ZNF280D: variants seen among roughly 807,000 people sequenced by gnomAD.
ZNF280D encodes suppressor of hairy wing homolog 4.
Under a neutral mutation model 94.7 loss-of-function variants are expected in ZNF280D, and 39 were observed. The ratio of observed to expected loss-of-function variants is 0.41; its 90% confidence interval spans 0.32 to 0.54. The LOEUF (loss-of-function observed/expected upper bound fraction) is 0.54. Among genes scored for constraint, ZNF280D ranks in the 20% least tolerant of loss-of-function variants. The pLI is 0.22. For missense variants in ZNF280D, 1,090 were observed against 1,149.3 expected, an observed-to-expected ratio of 0.95 and a Z score of 0.75; for synonymous variants, 398 against 377.6, an observed-to-expected ratio of 1.05 and a Z score of -0.63.
chr15:56,669,892 A>ATATATATATTTTATATATATAT (rs1566959775), intron 13 of ZNF280D, among the ~76,000 whole-genome samples: 1 of 9,686 alleles, frequency 1.0e-4, no homozygotes, highest in African/African-American at 3.6e-4. Flanking sequence ...TATATATTAT[A>ATATATATATTTTATATATATAT]TATATATATA....
intron 1 of ZNF280D, among the ~76,000 whole-genome samples, chr15:56,719,470 C>A (rs2058229089): frequency 6.6e-6 from 1 of 152,134 alleles, no homozygotes; most frequent in Non-Finnish European, 1.5e-5. Flanking sequence ...CAGCCTGAGG[C>A]CCTCACCAGA....
intron 3 of ZNF280D, among the ~76,000 whole-genome samples, chr15:56,704,790 G>A (rs1020891784): frequency 2.0e-5 from 3 of 152,060 alleles, no homozygotes; most frequent in African/African-American, 4.8e-5. Context: ...AGACCAGCCT[G>A]GCCAACATGG....
In ZNF280D at chr15:56,705,349, T is replaced by C. The variant is rs191635276; in HGVS notation, c.29-1082A>G. Among the ~76,000 whole-genome samples the C allele has an allele frequency of 7.2e-5, 11 of 152,322 alleles. No individual in the cohort carries two copies. In the East Asian group the frequency reaches 1.7e-3, roughly 24 times the overall value. Reference sequence around the variant, plus strand: ...CTTATTGTGTGTCTCAGAGCGATTATTTATACCACGTCTTCTACCTAGAAT... The same window carrying C: ...CTTATTGTGTGTCTCAGAGCGATTACTTATACCACGTCTTCTACCTAGAAT... On this transcript the variant is annotated intron_variant, in intron 3 of 21. Transcript: ENST00000267807.
chr15:56,632,496 ATTT>A lies in ZNF280D; in HGVS notation c.2316-377_2316-375del, dbSNP rs35589148. Among the ~76,000 whole-genome samples the A allele has an allele frequency of 2.3e-3, 303 of 129,176 alleles. 1 individual carries two copies. Among genetic ancestry groups the A allele is most frequent in the East Asian group, 2.7e-3 (12 of 4,476 alleles). The allele number at this position is 129,176 out of a possible 152,430, so 84.7% of individuals were successfully genotyped here. On this transcript the variant is annotated intron_variant, in intron 21 of 21. Coordinates refer to ENST00000267807, the MANE Select transcript of ZNF280D (RefSeq NM_017661.4). ...GGAAAAAAATCTATATTTTTTTATG[ATTT>A]TTTTTTTTTTTTTTTTGAGACAGGG...
At chr15:56,639,803 G>T (rs1564557) in intron 20 of ZNF280D, among the ~76,000 whole-genome samples, 5,976 of 152,188 alleles carry the variant, frequency 0.039, 356 homozygotes, top group Admixed American at 0.16. Flanking sequence ...GCCAAGAAAT[G>T]AGGAATAATT....
At chr15:56,690,476 T>C (rs1566987706) in intron 7 of ZNF280D, among the ~76,000 whole-genome samples, 1 of 152,226 alleles carries the variant, frequency 6.6e-6, no homozygotes, top group East Asian at 1.9e-4. Flanking sequence ...ATTTTCACAC[T>C]ATGTTCCCCA....
chr15:56,701,277 A>G (rs761754857), intron 4 of ZNF280D, 39 bp from the exon 5 acceptor site: 45 of 1,273,850 alleles, frequency 3.5e-5, no homozygotes, highest in Non-Finnish European at 4.6e-5. Context: ...ACATTGTTTG[A>G]ATGAAATACA....
At chr15:56,718,234 A>C (rs1259002119) in intron 1 of ZNF280D, among the ~76,000 whole-genome samples, 1 of 152,130 alleles carries the variant, frequency 6.6e-6, no homozygotes, top group Non-Finnish European at 1.5e-5. Context: ...TTCAAGTACA[A>C]TATAATGAAT....
rs1335150612 is a variant in ZNF280D at position 56,658,481 on chromosome 15, T to C, written c.2000A>G (p.His667Arg). 1.3e-6 allele frequency: 2 copies of C among 1,572,062 alleles called. No homozygotes were observed. Among genetic ancestry groups the C allele is most frequent in the African/African-American group, 1.4e-5 (1 of 72,268 alleles). Residue 667 changes from histidine (H) to arginine (R), a missense_variant, in exon 17 of 22, where the codon CAT becomes CGT. His to Arg is a conservative substitution (Grantham distance 29). Around this residue, in one of 3 missense-constraint regions of ZNF280D, gnomAD observed 577 missense variants for 568.8 expected, o/e 1.01. Coordinates refer to ENST00000267807, the MANE Select transcript of ZNF280D (RefSeq NM_017661.4). The stretch of plus-strand genomic sequence containing the variant: ...AAACCTTTTGCTTGGACGGTTACTA[T>C]GAAAGCTGGAGAAACAAAAGAGATA... ...KAYVNHMMSF[H>R]SNRPSKRFCI...
intron 20 of ZNF280D, among the ~76,000 whole-genome samples, chr15:56,636,202 T>A (rs1052175601): frequency 1.3e-5 from 2 of 152,156 alleles, no homozygotes; most frequent in Non-Finnish European, 2.9e-5. Flanking sequence ...TTTCACCAAA[T>A]GTTTAGAAAC....
intron 20 of ZNF280D, among the ~76,000 whole-genome samples, chr15:56,642,261 C>G (rs1234177545): frequency 4.6e-5 from 7 of 151,708 alleles, no homozygotes; most frequent in African/African-American, 1.7e-4. Flanking sequence ...CAAAAGAAAG[C>G]TGCTTGGAAG....
chr15:56,686,725 T>C (rs1415468896), intron 9 of ZNF280D, among the ~76,000 whole-genome samples: 2 of 152,168 alleles, frequency 1.3e-5, no homozygotes, highest in African/African-American at 4.8e-5. Context: ...ATACCCCCTA[T>C]ACTTTACAAA....
At chr15:56,707,922 A>T (rs934738270) in intron 1 of ZNF280D, among the ~76,000 whole-genome samples, 2 of 151,948 alleles carry the variant, frequency 1.3e-5, no homozygotes, top group Non-Finnish European at 2.9e-5. Context: ...ATTTGGCTTT[A>T]AAAATGCTGT....
intron 19 of ZNF280D, among the ~76,000 whole-genome samples, chr15:56,645,881 T>C (rs1484846629): frequency 2.6e-5 from 4 of 152,136 alleles, no homozygotes; most frequent in African/African-American, 4.8e-5. Flanking sequence ...GGCTCACTTA[T>C]AGTAGTATGT....
chr15:56,701,343 G>A, intron 4 of ZNF280D, 105 bp from the exon 5 acceptor site: 2 of 746,124 alleles, frequency 2.7e-6, no homozygotes, highest in Admixed American at 5.8e-5. Flanking sequence ...TATGGAAGGA[G>A]TATATAACTA....
chr15:56,719,854 CAT>C (rs1224929967), intron 1 of ZNF280D, among the ~76,000 whole-genome samples: 3 of 98,526 alleles, frequency 3.0e-5, no homozygotes, highest in African/African-American at 1.2e-4. Flanking sequence ...TAAAAAACAA[CAT>C]ATATACCTTA....
At position 56,727,844 on chromosome 15, in the gene ZNF280D, C is replaced by T. The variant is rs148172908; in HGVS notation, c.-86+5614G>A. 1.1e-3 allele frequency among the ~76,000 whole-genome samples: 169 copies of T among 152,150 alleles called. 2 individuals are homozygous for T. Among genetic ancestry groups the T allele is most frequent in the African/African-American group, 4.0e-3 (166 of 41,512 alleles). On this transcript the variant is annotated intron_variant, in intron 1 of 21. Transcript: ENST00000267807. Reference sequence around the variant, plus strand: ...TGGATGAGTTACTTTAGATAAATTCCCTCAAACTTAATCAATGAGAGAATA... The same window carrying T: ...TGGATGAGTTACTTTAGATAAATTCTCTCAAACTTAATCAATGAGAGAATA...
At chr15:56,653,722 C>A in intron 19 of ZNF280D, 1 of 1,314,584 alleles carries the variant, frequency 7.6e-7, no homozygotes, top group Non-Finnish European at 9.7e-7. Context: ...GACAAACAGC[C>A]ATATAATTTG....
At chr15:56,719,910 GAT>G (rs1339604782) in intron 1 of ZNF280D, among the ~76,000 whole-genome samples, 2 of 99,560 alleles carry the variant, frequency 2.0e-5, no homozygotes, top group African/African-American at 7.8e-5. Flanking sequence ...AAAAAAAAAA[GAT>G]AAAGCTCATT....
Sources: allele counts gnomAD v4.1 joint callset (sites outside exome capture counted in the v4.1 genomes callset), GRCh38; gene constraint gnomAD v4.1.1; regional missense constraint gnomAD v4.1.1; transcripts MANE v1.5; gene names NCBI Gene and HGNC (gene_info 2026-07-23, HGNC 2026-07-21).